The following RTEL1 variants were observed in gnomAD, a reference collection of about 807,000 sequenced individuals.
The protein encoded by RTEL1 is regulator of telomere length.
Under a neutral mutation model 162.2 loss-of-function variants are expected in RTEL1, and 86 were observed. The observed-to-expected ratio is 0.53, with a 90% CI of 0.45 to 0.63. RTEL1 has a LOEUF of 0.63. Ranked by LOEUF, RTEL1 falls within the 30% of genes least tolerant of loss-of-function variation. The pLI is 0.00. For missense variants in RTEL1, 1,941 were observed against 1,750.2 expected (o/e 1.11, Z -1.95); for synonymous variants, 958 against 717.9 (o/e 1.33, Z -5.35).
chr20:63,694,296 C>A, intron 30 of RTEL1, 76 bp from the exon 31 acceptor site: 1 of 1,064,874 alleles, frequency 9.4e-7, no homozygotes, highest in Non-Finnish European at 1.5e-6. Context: ...GCCTCCCTAG[C>A]CAGCCCTGCC....
chr20:63,660,812 G>GGGTGCAGGGAGGTGGCAGT (rs2090004921), intron 2 of RTEL1: 1 of 164,248 alleles, frequency 6.1e-6, no homozygotes, highest in Admixed American at 5.9e-5. Context: ...TGAACCTCGG[G>GGGTGCAGGGAGGTGGCAGT]GGTGCAGGGA....
chr20:63,662,449 G>A (rs1231679243), intron 4 of RTEL1, 97 bp from the exon 5 acceptor site: 19 of 1,576,288 alleles, frequency 1.2e-5, no homozygotes, highest in Non-Finnish European at 1.5e-5. Context: ...TCTGACCGCC[G>A]AGGCTCCTGC....
At chr20:63,688,626 C>G (rs2090650758) in intron 21 of RTEL1, 21 bp downstream of exon 21, 1 of 1,589,562 alleles carries the variant, frequency 6.3e-7, no homozygotes, top group Non-Finnish European at 8.5e-7. Context: ...GGCCGGGGCT[C>G]TGGGCCTGCT....
At chr20:63,672,505 T>G in intron 8 of RTEL1, 51 bp from the exon 9 acceptor site, 1 of 1,449,308 alleles carries the variant, frequency 6.9e-7, no homozygotes, top group Non-Finnish European at 9.5e-7. Context: ...GCTTCCCTCT[T>G]TCCCGGCCTC....
At chr20:63,672,750 G>A in intron 9 of RTEL1, 129 bp downstream of exon 9, 1 of 762,698 alleles carries the variant, frequency 1.3e-6, no homozygotes, top group Middle Eastern at 2.9e-4. Context: ...TGGGGACTGA[G>A]CACACCAGGA....
chr20:63,692,865 C>A lies in RTEL1; in HGVS notation c.2713C>A (p.Gln905Lys), dbSNP rs768610590. Residue 905 changes from glutamine (Q) to lysine (K), a missense_variant, in exon 29 of 35, where the codon CAG becomes AAG. By Grantham distance (53) the Gln-to-Lys change is moderately conservative. Coordinates refer to ENST00000360203, the MANE Select transcript of RTEL1 (RefSeq NM_001283009.2). ...CAAGCTCTTCATGGTGGCCGTGAAG[C>A]AGGAGTTGAGCCAAGCCAACTTTGC... ...RAKLFMVAVK[Q>K]ELSQANFATF... The A allele has an allele frequency of 3.1e-6, 5 of 1,612,672 alleles. No homozygotes were observed. The Admixed American group carries it at 8.3e-5, about 27-fold the overall frequency.
intron 8 of RTEL1, 145 bp from the exon 9 acceptor site, chr20:63,672,411 C>G: frequency 1.5e-6 from 1 of 685,442 alleles, no homozygotes; most frequent in Non-Finnish European, 2.6e-6. Flanking sequence ...GCCAGGTCAT[C>G]CAGGTCTGGC....
At chr20:63,691,411 G>A (rs1249381745) in intron 27 of RTEL1, among the ~76,000 whole-genome samples, 1 of 152,070 alleles carries the variant, frequency 6.6e-6, no homozygotes, top group African/African-American at 2.4e-5. Context: ...CCCTCTTCCT[G>A]CCCATCCCTG....
At chr20:63,694,696 T>G (rs2090925452) in intron 31 of RTEL1, 45 bp from the exon 32 acceptor site, 1 of 1,489,942 alleles carries the variant, frequency 6.7e-7, no homozygotes, top group Non-Finnish European at 9.1e-7. Context: ...GGACTCTCAG[T>G]CCTCCACCCC....
At chr20:63,667,339 C>G in intron 7 of RTEL1, 130 bp from the exon 8 acceptor site, 1 of 751,026 alleles carries the variant, frequency 1.3e-6, no homozygotes, top group South Asian at 1.5e-5. Context: ...CCATCCATCC[C>G]AGGCAGCAGC....
chr20:63,689,241 G>C (rs2090667664), intron 22 of RTEL1, 109 bp downstream of exon 22: 4 of 1,128,082 alleles, frequency 3.5e-6, no homozygotes, highest in Non-Finnish European at 2.6e-6. Flanking sequence ...CCCCTCCTTG[G>C]GTCCCACGAG....
intron 6 of RTEL1, among the ~76,000 whole-genome samples, chr20:63,663,702 C>G (rs931493657): frequency 3.9e-5 from 6 of 152,220 alleles, no homozygotes; most frequent in Non-Finnish European, 7.3e-5. Flanking sequence ...TCAGGGTTCC[C>G]TCTGTTTCCT....
rs398123049 is a variant in RTEL1 at position 63,690,178 on chromosome 20, G to A, written c.2233G>A (p.Val745Met). 2 of 1,612,564 alleles carry A rather than the reference G, an allele frequency of 1.2e-6. No individual in the cohort carries two copies. The highest frequency in any genetic ancestry group is 1.7e-6 in the Non-Finnish European group (2 of 1,179,820). The change falls in exon 25 of 35, where the codon GTG (valine) becomes ATG (methionine). Residue 745 changes from valine to methionine, a missense_variant. By Grantham distance (21) the Val-to-Met change is conservative. Transcript: ENST00000360203. ...CAACTTTGGCCATGTCATCCGAGAC[G>A]TGGCCCAGTTCTTCCGTGTTGCCGA... ...YDNFGHVIRD[V>M]AQFFRVAERT...
intron 14 of RTEL1, among the ~76,000 whole-genome samples, chr20:63,683,349 T>C (rs2090516536): frequency 6.6e-6 from 1 of 152,194 alleles, no homozygotes; most frequent in South Asian, 2.1e-4. Context: ...GGTGAACTTG[T>C]TCTGTTACTT....
At position 63,661,287 on chromosome 20, in the gene RTEL1, A is replaced by G; in HGVS notation, c.103-11A>G. 1.9e-6 allele frequency: 3 copies of G among 1,610,496 alleles called. No homozygotes were observed. Among genetic ancestry groups the G allele is most frequent in the Non-Finnish European group, 2.5e-6 (3 of 1,179,184 alleles). ...GGCTTCCCCGTAACCCTTGCTCCGAACTCCGTTCAGAAGGTGAATGGCATC... is the reference window on the plus strand; with the variant it reads ...GGCTTCCCCGTAACCCTTGCTCCGAGCTCCGTTCAGAAGGTGAATGGCATC... On this transcript the variant is annotated splice_polypyrimidine_tract_variant and intron_variant, in intron 2 of 34. Coordinates refer to ENST00000360203, the MANE Select transcript of RTEL1 (RefSeq NM_001283009.2). The surrounding 1 kb of genome is among the most constrained non-coding windows in gnomAD (Gnocchi z 5.1).
Position 63,694,806 on chromosome 20 carries a change from G to T in RTEL1, c.3175G>T (p.Ala1059Ser). 1 of 1,612,396 alleles carries T rather than the reference G, an allele frequency of 6.2e-7. No individual in the cohort carries two copies. The highest frequency in any genetic ancestry group is 8.5e-7 in the Non-Finnish European group (1 of 1,179,762). ...CAGAGCAGGGAAGCAGGGCCAGCACGCCGTGAGCGCCTACCTGGCTGATGC... is the reference window on the plus strand; with the variant it reads ...CAGAGCAGGGAAGCAGGGCCAGCACTCCGTGAGCGCCTACCTGGCTGATGC... ...VPRAGKQGQH[A>S]VSAYLADARR... The change falls in exon 32 of 35, where the codon GCC (alanine) becomes TCC (serine). Residue 1059 changes from alanine (A) to serine (S), a missense_variant. Transcript: ENST00000360203.
chr20:63,691,903 G>A (rs1601177895), intron 28 of RTEL1, 66 bp downstream of exon 28: 1 of 1,352,420 alleles, frequency 7.4e-7, no homozygotes, highest in Non-Finnish European at 1.0e-6. Flanking sequence ...AGCCGTGGGT[G>A]CCCCCAGCCA....
chr20:63,695,723 C>T (rs925493968), intron 34 of RTEL1, 55 bp from the exon 35 acceptor site: 11 of 1,602,206 alleles, frequency 6.9e-6, no homozygotes, highest in Admixed American at 6.8e-5. Flanking sequence ...AGGGCAGGCC[C>T]TTGTCCTGGT....
intron 28 of RTEL1, 122 bp downstream of exon 28, chr20:63,691,959 G>C (rs1396057042): frequency 7.1e-6 from 5 of 701,252 alleles, no homozygotes; most frequent in Non-Finnish European, 1.2e-5. Flanking sequence ...AGGAGCTGAT[G>C]TCCAGGGCAG....
Sources: allele counts gnomAD v4.1 joint callset (sites outside exome capture counted in the v4.1 genomes callset), GRCh38; gene constraint gnomAD v4.1.1; non-coding constraint Gnocchi (gnomAD v3.1); transcripts MANE v1.5; gene names NCBI Gene and HGNC (gene_info 2026-07-23, HGNC 2026-07-21).